EPHX1: variants seen among roughly 807,000 people sequenced by gnomAD.
The protein encoded by EPHX1 is epoxide hydratase.
Under a neutral mutation model 43.2 loss-of-function variants are expected in EPHX1, and 40 were observed. That is an observed-to-expected ratio of 0.93 (90% CI 0.72 to 1.21). The LOEUF (loss-of-function observed/expected upper bound fraction) is 1.21. Among genes scored for constraint, EPHX1 ranks in the 50% most tolerant of loss-of-function variants. EPHX1 has a pLI of 0.00. For synonymous variants in EPHX1, 221 were observed against 226.7 expected (o/e 0.98, Z 0.22); for missense variants, 550 against 570.4 (o/e 0.96, Z 0.36).
Position 225,831,785 on chromosome 1 carries a change from C to T in EPHX1, c.190C>T (p.His64Tyr), listed in dbSNP as rs146362595. The part of the protein sequence containing the change: ...ETSDEEIHDL[H>Y]QRIDKFRFTP... ...GTCCTGAATTTTGCTCCAGGACTTA[C>T]ACCAGAGGATCGATAAGTTCCGTTT... Residue 64 changes from histidine (H) to tyrosine (Y), a missense_variant, in exon 3 of 9, where the codon CAC becomes TAC. Transcript: ENST00000272167. 2.7e-5 allele frequency: 43 copies of T among 1,613,858 alleles called. No individual in the cohort carries two copies. The highest frequency in any genetic ancestry group is 3.2e-5 in the Non-Finnish European group (38 of 1,180,040).
At chr1:225,812,447 AC>A (rs1666530362) in intron 1 of EPHX1, among the ~76,000 whole-genome samples, 1 of 152,102 alleles carries the variant, frequency 6.6e-6, no homozygotes, top group South Asian at 2.1e-4. Flanking sequence ...GGGCAGAGGG[AC>A]CTTTGCAGAA....
intron 3 of EPHX1, chr1:225,832,202 C>T (rs1559021463): frequency 2.0e-6 from 1 of 509,392 alleles, no homozygotes; most frequent in Non-Finnish European, 3.6e-6. Context: ...ATGCACCATC[C>T]AGTCCAATGA....
At chr1:225,838,969 G>A (rs1027812761) in intron 4 of EPHX1, 88 bp downstream of exon 4, 5 of 1,501,984 alleles carry the variant, frequency 3.3e-6, no homozygotes, top group African/African-American at 1.4e-5. Flanking sequence ...CCGGCGGGGT[G>A]AGCAGGGAGT....
chr1:225,811,203 A>G (rs1666466824), intron 1 of EPHX1, among the ~76,000 whole-genome samples: 1 of 152,208 alleles, frequency 6.6e-6, no homozygotes. Context: ...CCTCCCTGGC[A>G]GATGTCGGTT....
chr1:225,844,982 T>C (rs1225047771), intron 8 of EPHX1, among the ~76,000 whole-genome samples, 164 bp from the exon 9 acceptor site: 1 of 152,082 alleles, frequency 6.6e-6, no homozygotes, highest in Non-Finnish European at 1.5e-5. Flanking sequence ...GAGAAGGCCC[T>C]CAGTGAGGGG....
At chr1:225,829,866 G>A (rs1290587709) in intron 2 of EPHX1, among the ~76,000 whole-genome samples, 1 of 152,150 alleles carries the variant, frequency 6.6e-6, no homozygotes. Flanking sequence ...CTGAGGTCAG[G>A]AGTTCAAGAC....
intron 7 of EPHX1, among the ~76,000 whole-genome samples, chr1:225,843,457 C>T (rs564689193): frequency 6.4e-4 from 98 of 152,344 alleles, no homozygotes; most frequent in Non-Finnish European, 1.0e-3. Flanking sequence ...AGAGCCTCAG[C>T]AGGGCCTTCG....
chr1:225,813,836 C>A (rs972309901), intron 1 of EPHX1, among the ~76,000 whole-genome samples: 1 of 152,086 alleles, frequency 6.6e-6, no homozygotes, highest in Non-Finnish European at 1.5e-5. Flanking sequence ...ACAGCCACAC[C>A]CATTAGGCTC....
chr1:225,819,623 T>C (rs1666894612), intron 1 of EPHX1, among the ~76,000 whole-genome samples: 1 of 152,078 alleles, frequency 6.6e-6, no homozygotes, highest in Non-Finnish European at 1.5e-5. Context: ...TTCAAGGACG[T>C]TGCCTGGGTT....
intron 1 of EPHX1, among the ~76,000 whole-genome samples, chr1:225,827,686 G>A (rs1288582962): frequency 6.6e-6 from 1 of 152,218 alleles, no homozygotes; most frequent in East Asian, 1.9e-4. Flanking sequence ...GAGTTTCTCC[G>A]TGCCGATGAA....
intron 1 of EPHX1, among the ~76,000 whole-genome samples, chr1:225,820,011 C>T (rs1305131149): frequency 1.3e-5 from 2 of 152,208 alleles, no homozygotes; most frequent in Non-Finnish European, 2.9e-5. Context: ...TGCGGTGAAC[C>T]TTTGAGTTCT....
At chr1:225,845,115 C>T (rs2102795186) in intron 8 of EPHX1, 31 bp from the exon 9 acceptor site, 1 of 1,611,612 alleles carries the variant, frequency 6.2e-7, no homozygotes, top group Non-Finnish European at 8.5e-7. Context: ...GGGCCACAGC[C>T]TCACCCCTCC....
chr1:225,843,765 G>A (rs45564633), intron 7 of EPHX1, among the ~76,000 whole-genome samples: 5,134 of 152,346 alleles, frequency 0.034, 109 homozygotes, highest in Non-Finnish European at 0.044. Flanking sequence ...GGGCAGAGCT[G>A]AAAGGGAGAT....
intron 1 of EPHX1, among the ~76,000 whole-genome samples, chr1:225,816,724 G>A (rs890131020): frequency 6.6e-6 from 1 of 152,192 alleles, no homozygotes; most frequent in Non-Finnish European, 1.5e-5. Context: ...GGCCACGGAG[G>A]CCTGGAGAAG....
chr1:225,832,490 G>A (rs1446774780), intron 3 of EPHX1, among the ~76,000 whole-genome samples: 7 of 152,238 alleles, frequency 4.6e-5, no homozygotes, highest in Non-Finnish European at 1.0e-4. Context: ...AGCCAAGATC[G>A]CGCCACTGCA....
chr1:225,841,601 C>CTTT (rs35827447), intron 6 of EPHX1, among the ~76,000 whole-genome samples: 8 of 104,426 alleles, frequency 7.7e-5, no homozygotes, highest in Admixed American at 1.1e-4. Context: ...CTGTCCCAGC[C>CTTT]TTTTTTTTTT....
Sources: gnomAD v4.1 joint callset for allele counts (sites outside exome capture counted in the v4.1 genomes callset) on GRCh38, gnomAD v4.1.1 for gene constraint, MANE v1.5 for transcripts, NCBI Gene and HGNC (gene_info 2026-07-23, HGNC 2026-07-21) for gene names.